CTIF: variants seen among roughly 807,000 people sequenced by gnomAD.
The protein encoded by CTIF is CBP80/20-dependent translation initiation factor.
Under a neutral mutation model 66.0 loss-of-function variants are expected in CTIF, and 21 were observed. That is an observed-to-expected ratio of 0.32 (90% CI 0.23 to 0.46). The LOEUF (loss-of-function observed/expected upper bound fraction) is 0.46, where lower values mean the gene tolerates loss of function less well. Among genes scored for constraint, CTIF ranks in the 20% least tolerant of loss-of-function variants. The probability of loss-of-function intolerance (pLI) is 1.00; values close to 1 mark genes in which losing one functional copy is unlikely to be tolerated. For synonymous variants in CTIF, 345 were observed against 326.4 expected (o/e 1.06, Z -0.62); for missense variants, 739 against 812.7 (o/e 0.91, Z 1.10).
intron 1 of CTIF, among the ~76,000 whole-genome samples, chr18:48,541,085 C>T (rs1022068245): frequency 6.6e-6 from 1 of 152,168 alleles, no homozygotes; most frequent in Non-Finnish European, 1.5e-5. Context: ...GGTGACCCCG[C>T]ACCGAGGCGT....
chr18:48,657,287 G>A (rs759254361), intron 3 of CTIF, among the ~76,000 whole-genome samples: 11 of 152,172 alleles, frequency 7.2e-5, no homozygotes, highest in Non-Finnish European at 1.2e-4. Flanking sequence ...TTTCAACATC[G>A]TAACAATTTT....
chr18:48,646,870 A>G lies in CTIF; in HGVS notation c.252+10185A>G, dbSNP rs532971516. On this transcript the variant is annotated intron_variant, in intron 3 of 11. Coordinates refer to ENST00000256413, the MANE Select transcript of CTIF (RefSeq NM_014772.3). The stretch of plus-strand genomic sequence containing the variant: ...AGTAGGAGTAGGGATGTAGAATGGT[A>G]TAGCCATTCTGGAAAACAGTTTGGC... 1.7e-4 allele frequency among the ~76,000 whole-genome samples: 24 copies of G among 141,932 alleles called. No individual in the cohort carries two copies. The South Asian group carries it at 5.3e-3, about 31-fold the overall frequency. The allele number at this position is 141,932 out of a possible 152,430, so 93.1% of individuals were successfully genotyped here.
chr18:48,711,722 G>C, intron 7 of CTIF, 27 bp downstream of exon 7: 1 of 1,599,500 alleles, frequency 6.3e-7, no homozygotes, highest in South Asian at 1.1e-5. Flanking sequence ...CGTGAGCTTT[G>C]GGTTTTCCTT....
rs1259990562 is a variant in CTIF at position 48,758,405 on chromosome 18, G to T, written c.1071G>T (p.Lys357Asn). 4 of 1,569,828 alleles carry T rather than the reference G, an allele frequency of 2.5e-6. No homozygotes were observed. The highest frequency in any genetic ancestry group is 2.6e-6 in the Non-Finnish European group (3 of 1,160,320). Residue 357 changes from lysine (K) to asparagine (N), a missense_variant and splice_region_variant, in exon 8 of 12, where the codon AAG (lysine) becomes AAT (asparagine). Transcript: ENST00000256413. ...GACTGCGGCGAAGGCTAAAGGAAAA[G>T]GTACCGGTAATTGAATTTTTGTTCT... ...KDRLRRRLKE[K>N]DEVAVETTTP...
intron 7 of CTIF, among the ~76,000 whole-genome samples, chr18:48,744,550 G>A (rs1380709399): frequency 2.6e-5 from 4 of 152,042 alleles, no homozygotes; most frequent in Admixed American, 6.5e-5. Flanking sequence ...TCTCTCTCTC[G>A]TATACATTTT....
chr18:48,807,342 A>G (rs1432230086), intron 9 of CTIF, among the ~76,000 whole-genome samples: 2 of 152,208 alleles, frequency 1.3e-5, no homozygotes, highest in Non-Finnish European at 2.9e-5. Context: ...ATAAAGAGAA[A>G]CATTCACAGA....
chr18:48,778,600 C>A (rs1026080599), intron 9 of CTIF, among the ~76,000 whole-genome samples: 1 of 152,030 alleles, frequency 6.6e-6, no homozygotes, highest in Non-Finnish European at 1.5e-5. Context: ...CACCCCATTT[C>A]TGATTTCTAC....
At chr18:48,693,665 G>A (rs2091965316) in intron 6 of CTIF, among the ~76,000 whole-genome samples, 1 of 152,128 alleles carries the variant, frequency 6.6e-6, no homozygotes, top group Admixed American at 6.5e-5. Context: ...GCCCAGAGAG[G>A]GAAGACACTG....
chr18:48,861,685 T>G lies in CTIF; in HGVS notation c.*2126T>G, dbSNP rs1442412977. ...GAGTGGGGTCTCCCAGACCCAACGG[T>G]GAGCTCAGAGCAAGCTTCACGCAGG... On this transcript the variant is annotated 3_prime_UTR_variant, in exon 12 of 12. Transcript: ENST00000256413. The G allele has an allele frequency of 6.6e-6, 1 of 152,308 alleles. No individual in the cohort carries two copies. The highest frequency in any genetic ancestry group is 1.5e-5 in the Non-Finnish European group (1 of 68,140). The allele number at this position is 152,308 out of a possible 1,614,324, so 9.4% of individuals were successfully genotyped here. A position where few individuals can be genotyped will look rare whatever the true frequency, so the allele number is the denominator to read the frequency against.
intron 4 of CTIF, 151 bp downstream of exon 4, chr18:48,663,976 G>A (rs1055650751): frequency 3.6e-5 from 27 of 748,338 alleles, no homozygotes; most frequent in Middle Eastern, 2.3e-4. Context: ...AAAGAAGGCC[G>A]GAGAGAGGAG....
intron 6 of CTIF, among the ~76,000 whole-genome samples, chr18:48,692,331 A>C (rs1284619459): frequency 8.7e-6 from 1 of 114,452 alleles, no homozygotes; most frequent in Non-Finnish European, 1.6e-5. Context: ...AACAAAAAAC[A>C]AAAAACAAAA....
At chr18:48,637,916 C>T (rs957422449) in intron 3 of CTIF, among the ~76,000 whole-genome samples, 3 of 152,072 alleles carry the variant, frequency 2.0e-5, no homozygotes, top group African/African-American at 7.2e-5. Context: ...GAAGGAGCCT[C>T]GACGGCCTCT....
At chr18:48,582,755 T>C (rs2089688531) in intron 1 of CTIF, among the ~76,000 whole-genome samples, 1 of 152,084 alleles carries the variant, frequency 6.6e-6, no homozygotes, top group African/African-American at 2.4e-5. Context: ...TTACCTCTAG[T>C]TCGTTTAGTC....
intron 6 of CTIF, among the ~76,000 whole-genome samples, chr18:48,692,089 C>T (rs999324263): frequency 6.6e-6 from 1 of 152,108 alleles, no homozygotes; most frequent in Non-Finnish European, 1.5e-5. Flanking sequence ...GCCATGTTGG[C>T]CAGGTTGGTC....
chr18:48,549,085 CG>C (rs2088823586), intron 1 of CTIF, among the ~76,000 whole-genome samples: 1 of 151,934 alleles, frequency 6.6e-6, no homozygotes, highest in Admixed American at 6.6e-5. Context: ...CCAGGGAGGG[CG>C]TATGCATGTG....
At chr18:48,616,017 GGACCCT>G (rs1210121672) in intron 1 of CTIF, among the ~76,000 whole-genome samples, 1 of 152,188 alleles carries the variant, frequency 6.6e-6, no homozygotes, top group Non-Finnish European at 1.5e-5. Flanking sequence ...CTCCCTCATG[GGACCCT>G]GACACAGCCC....
At chr18:48,726,791 A>G (rs2092390753) in intron 7 of CTIF, among the ~76,000 whole-genome samples, 1 of 152,162 alleles carries the variant, frequency 6.6e-6, no homozygotes. Context: ...AGGGGACTTT[A>G]CAGGGATATA....
chr18:48,623,783 T>A (rs1347032341), intron 2 of CTIF, among the ~76,000 whole-genome samples: 3 of 152,126 alleles, frequency 2.0e-5, no homozygotes, highest in Non-Finnish European at 4.4e-5. Context: ...GGAGAAAATA[T>A]CTCATGATGT....
In CTIF at chr18:48,730,148, T is replaced by G. The variant is rs571893837; in HGVS notation, c.584+18453T>G. Among the ~76,000 whole-genome samples, 228 of 152,048 alleles carry G rather than the reference T, an allele frequency of 1.5e-3. 1 individual carries two copies. The highest frequency in any genetic ancestry group is 5.2e-3 in the African/African-American group (214 of 41,366). On this transcript the variant is annotated intron_variant, in intron 7 of 11. Transcript: ENST00000256413. The stretch of plus-strand genomic sequence containing the variant: ...CAGTCATATTGGCCACATTCAGGGC[T>G]AGCCACATGTGGTGAAGGGCCTCCA...
Sources: gnomAD v4.1 joint callset for allele counts (sites outside exome capture counted in the v4.1 genomes callset) on GRCh38, gnomAD v4.1.1 for gene constraint, MANE v1.5 for transcripts, NCBI Gene and HGNC (gene_info 2026-07-23, HGNC 2026-07-21) for gene names.